CAD: variants seen among roughly 807,000 people sequenced by gnomAD.
CAD encodes multifunctional protein CAD.
In CAD, 81 loss-of-function variants were observed where a neutral mutation model predicts 237.2. The ratio of observed to expected loss-of-function variants is 0.34; its 90% CI spans 0.29 to 0.41. The LOEUF (loss-of-function observed/expected upper bound fraction) is 0.41. CAD is among the 10% of genes least tolerant of loss of function. CAD has a pLI of 1.00. For missense variants in CAD, 2,181 were observed against 2,951.7 expected (o/e 0.74, Z 6.05); for synonymous variants, 1,196 against 1,162.8 (o/e 1.03, Z -0.58).
chr2:27,225,241 C>G lies in CAD; in HGVS notation c.1618C>G (p.Gln540Glu), dbSNP rs1158383825. ...GAGCGAGGCAGCAAATTCTCTTGAA[C>G]AGGTTGGAGGGGTGTTTGGGTAAAG... Reference protein sequence around the residue: ...APSEAANSLEQAQAAAERLGY... With the variant: ...APSEAANSLEEAQAAAERLGY... Residue 540 changes from glutamine to glutamate, a missense_variant and splice_region_variant, in exon 11 of 44, where the codon CAG (glutamine) becomes GAG (glutamate). Around this residue, in one of 12 missense-constraint regions of CAD, gnomAD observed 174 missense variants for 215.8 expected, o/e 0.81. Transcript: ENST00000264705. 1.3e-6 allele frequency: 2 copies of G among 1,591,062 alleles called. No homozygotes were observed.
chr2:27,238,567 C>T lies in CAD; in HGVS notation c.4997C>T (p.Ser1666Phe). 1.2e-6 allele frequency: 2 copies of T among 1,614,102 alleles called. No individual in the cohort carries two copies. The highest frequency in any genetic ancestry group is 1.3e-5 in the African/African-American group (1 of 75,068). The change falls in exon 31 of 44, where the codon TCC (serine) becomes TTC (phenylalanine). Residue 1666 changes from serine to phenylalanine, a missense_variant. Physicochemically the swap from Ser to Phe is radical, Grantham distance 155. Coordinates refer to ENST00000264705, the MANE Select transcript of CAD (RefSeq NM_004341.5). Reference protein sequence around the residue: ...GKGEVRPELGSRQDVEALWEN... With the variant: ...GKGEVRPELGFRQDVEALWEN... ...GGGGAGGTCCGGCCTGAGCTTGGCT[C>T]CCGCCAGGATGTGGAAGCCCTGTGG...
chr2:27,233,926 G>T lies in CAD; in HGVS notation c.3400-82G>T, dbSNP rs1675883170. The T allele has an allele frequency of 1.9e-6, 3 of 1,542,094 alleles. No homozygotes were observed. The highest frequency in any genetic ancestry group is 1.8e-6 in the Non-Finnish European group (2 of 1,122,718). ...GGCTGGGAACAGTGGGCTATGTGGG[G>T]CTCGTTAAAGGAAGAGACAATCCTA... On this transcript the variant is annotated intron_variant, in intron 21 of 43. Transcript: ENST00000264705. This position sits in a 1 kb window ranked among gnomAD's most constrained non-coding sequence, Gnocchi z 6.3.
At position 27,239,034 on chromosome 2, in the gene CAD, TC is replaced by T; in HGVS notation, c.5063-7del. On this transcript the variant is annotated splice_region_variant and splice_polypyrimidine_tract_variant and intron_variant, in intron 31 of 43. Transcript: ENST00000264705. The surrounding 1 kb of genome is among the most constrained non-coding windows in gnomAD (Gnocchi z 4.0). Reference sequence around the variant, plus strand: ...TGGTCCTGAGGGTAATGGCTTTCTTTCTCCCAGCTCCCCATACCTTGGAGGA... The same window carrying T: ...TGGTCCTGAGGGTAATGGCTTTCTTTTCCCAGCTCCCCATACCTTGGAGGA... The T allele has an allele frequency of 6.5e-7, 1 of 1,540,820 alleles. No homozygotes were observed. Among genetic ancestry groups the T allele is most frequent in the Admixed American group, 2.1e-5 (1 of 47,404 alleles).
chr2:27,231,354 CT>C, intron 15 of CAD, 113 bp from the exon 16 acceptor site: 1 of 663,600 alleles, frequency 1.5e-6, no homozygotes. Flanking sequence ...CATCATGTGA[CT>C]TGCCTTGAGA....
chr2:27,232,607 C>T lies in CAD; in HGVS notation c.2805C>T (p.Val935=), dbSNP rs1675814974. 6.2e-7 allele frequency: 1 copy of T among 1,614,072 alleles called. No homozygotes were observed. The highest frequency in any genetic ancestry group is 1.7e-5 in the Admixed American group (1 of 60,000). ...ACCTCACCTTTCGAACACCTCATGT[C>T]CTAGTCCTTGGCTCTGGCGTCTACC... is the stretch of plus-strand genomic sequence containing the variant. ...THDLTFRTPH[V]LVLGSGVYRI... Residue 935 remains valine, a synonymous_variant, in exon 18 of 44, where the codon GTC becomes GTT. Transcript: ENST00000264705. The surrounding 1 kb of genome is among the most constrained non-coding windows in gnomAD (Gnocchi z 4.1).
At chr2:27,224,919 G>C (rs752371232) in intron 10 of CAD, 43 bp downstream of exon 10, 5 of 1,612,366 alleles carry the variant, frequency 3.1e-6, no homozygotes, top group Non-Finnish European at 4.2e-6. Flanking sequence ...GACTGGGCAG[G>C]GGGGCCCAGT....
chr2:27,231,962 C>T lies in CAD; in HGVS notation c.2401-18C>T. ...TGGGCTGGCAGTAGCTTCCGTCTGTCTACCCCCTTTCTATCAGGAGTTGGA... is the reference window on the plus strand; with the variant it reads ...TGGGCTGGCAGTAGCTTCCGTCTGTTTACCCCCTTTCTATCAGGAGTTGGA... On this transcript the variant is annotated intron_variant, in intron 16 of 43. Transcript: ENST00000264705. 4 of 1,614,082 alleles carry T rather than the reference C, an allele frequency of 2.5e-6. No individual in the cohort carries two copies. Among genetic ancestry groups the T allele is most frequent in the Non-Finnish European group, 3.4e-6 (4 of 1,179,968 alleles).
In CAD at chr2:27,239,785, G is replaced by A. The variant is rs1277422503; in HGVS notation, c.5483G>A (p.Ser1828Asn). Residue 1828 changes from serine to asparagine, a missense_variant, in exon 34 of 44, where the codon AGT becomes AAT. Ser to Asn is a conservative substitution (Grantham distance 46). Around this residue, in one of 12 missense-constraint regions of CAD, gnomAD observed 478 missense variants for 515.0 expected, o/e 0.93. Coordinates refer to ENST00000264705, the MANE Select transcript of CAD (RefSeq NM_004341.5). The surrounding 1 kb of genome is among the most constrained non-coding windows in gnomAD (Gnocchi z 4.0). ...PQLPPSAPAT[S>N]EMTTTPERPR... ...CTCCCACCCTCAGCCCCTGCCACTAGTGAGATGACCACGGTATCCACACTA... is the reference window on the plus strand; with the variant it reads ...CTCCCACCCTCAGCCCCTGCCACTAATGAGATGACCACGGTATCCACACTA... 2 of 1,561,802 alleles carry A rather than the reference G, an allele frequency of 1.3e-6. No homozygotes were observed. Among genetic ancestry groups the A allele is most frequent in the Non-Finnish European group, 1.7e-6 (2 of 1,153,976 alleles).
chr2:27,238,294 G>A, intron 30 of CAD, 107 bp downstream of exon 30: 2 of 1,479,032 alleles, frequency 1.4e-6, no homozygotes. Flanking sequence ...TCTGGAGACA[G>A]CAGGAGGAGG....
intron 11 of CAD, 63 bp downstream of exon 11, chr2:27,225,306 T>TC (rs1261596247): frequency 2.5e-5 from 17 of 680,746 alleles, no homozygotes; most frequent in Admixed American, 1.4e-4. Flanking sequence ...TTATTTTCTT[T>TC]TTTTTTTTTT....
In CAD at chr2:27,243,469, G is replaced by A. The variant is rs1320811672; in HGVS notation, c.6629G>A (p.Gly2210Asp). The change falls in exon 44 of 44, where the codon GGC becomes GAC. Residue 2210 changes from glycine to aspartate, a missense_variant. By Grantham distance (94) the Gly-to-Asp change is moderately conservative (BLOSUM62 -1). Coordinates refer to ENST00000264705, the MANE Select transcript of CAD (RefSeq NM_004341.5). ...GCCTACTTCCGCCAGGCTGAGAACG[G>A]CATGTACATCCGCATGGCTCTGTTA... ...RAAYFRQAENGMYIRMALLAT... is the reference protein window; with the variant it reads ...RAAYFRQAENDMYIRMALLAT... 1 of 1,610,114 alleles carries A rather than the reference G, an allele frequency of 6.2e-7. No individual in the cohort carries two copies. Among genetic ancestry groups the A allele is most frequent in the East Asian group, 2.2e-5 (1 of 44,746 alleles).
At position 27,226,266 on chromosome 2, in the gene CAD, G is replaced by C; in HGVS notation, c.1978G>C (p.Gly660Arg). The C allele has an allele frequency of 6.2e-7, 1 of 1,614,204 alleles. No individual in the cohort carries two copies. ...AGCTATCAAGGTGACCCAGCACCTGGGAATTGTTGGGGAGTGCAATGTGCA... is the reference window on the plus strand; with the variant it reads ...AGCTATCAAGGTGACCCAGCACCTGCGAATTGTTGGGGAGTGCAATGTGCA... The part of the protein sequence containing the change: ...QTAIKVTQHL[G>R]IVGECNVQYA... The change falls in exon 13 of 44, where the codon GGA becomes CGA. Residue 660 changes from glycine (G) to arginine (R), a missense_variant. By Grantham distance (125) the Gly-to-Arg change is moderately radical. Coordinates refer to ENST00000264705, the MANE Select transcript of CAD (RefSeq NM_004341.5).
Position 27,232,925 on chromosome 2 carries a change from C to G in CAD, c.2893-117C>G, listed in dbSNP as rs1355905062. 5 of 832,498 alleles carry G rather than the reference C, an allele frequency of 6.0e-6. No individual in the cohort carries two copies. The highest frequency in any genetic ancestry group is 1.0e-5 in the Non-Finnish European group (5 of 495,158). 51.6% of individuals were successfully genotyped at this position (832,498 alleles called of 1,614,324 possible). A position where few individuals can be genotyped will look rare whatever the true frequency, so the allele number is the denominator to read the frequency against. ...AGGCAGGGGTCCTGTACAGCTCTTT[C>G]AGAGGAAGCTGTGCTGGCAGTCTCT... On this transcript the variant is annotated intron_variant, in intron 18 of 43. Transcript: ENST00000264705. This position sits in a 1 kb window ranked among gnomAD's most constrained non-coding sequence, Gnocchi z 4.1.
chr2:27,227,923 C>T (rs1675519122), intron 15 of CAD, among the ~76,000 whole-genome samples: 1 of 152,198 alleles, frequency 6.6e-6, no homozygotes, highest in African/African-American at 2.4e-5. Flanking sequence ...CTGCATAATT[C>T]AGCCGTGTAT....
chr2:27,243,390 CTT>C lies in CAD; in HGVS notation c.6576-6_6576-5del, dbSNP rs5830040. The C allele has an allele frequency of 0.096, 122,196 of 1,274,068 alleles. No homozygotes were observed. Among genetic ancestry groups the C allele is most frequent in the Non-Finnish European group, 0.1 (98,673 of 944,168 alleles). The allele number at this position is 1,274,068 out of a possible 1,614,324, so 78.9% of individuals were successfully genotyped here. A position where few individuals can be genotyped will look rare whatever the true frequency, so the allele number is the denominator to read the frequency against. On this transcript the variant is annotated intron_variant, in intron 43 of 43. Coordinates refer to ENST00000264705, the MANE Select transcript of CAD (RefSeq NM_004341.5). ...TCCATGGGCTGCACGATAACACTTC[CTT>C]TTTTTTTTTTTTTTTTTTTGCAGCG...
In CAD at chr2:27,232,288, G is replaced by A. The variant is rs984802961; in HGVS notation, c.2645+64G>A. On this transcript the variant is annotated intron_variant, in intron 17 of 43. Transcript: ENST00000264705. This position sits in a 1 kb window ranked among gnomAD's most constrained non-coding sequence, Gnocchi z 4.1. ...GGGGCAGAACCTTTGTATCAGTGAG[G>A]GACCCTTGGGAGGGAGGAAGGAGAG... 9.4e-6 allele frequency: 15 copies of A among 1,597,956 alleles called. No individual in the cohort carries two copies. The highest frequency in any genetic ancestry group is 1.3e-5 in the Non-Finnish European group (15 of 1,173,120).
At chr2:27,226,698 A>C (rs1178369472) in intron 14 of CAD, 49 bp downstream of exon 14, 1 of 1,610,282 alleles carries the variant, frequency 6.2e-7, no homozygotes, top group Non-Finnish European at 8.5e-7. Flanking sequence ...TCGGGGGCTG[A>C]GGAAAATATT....
Position 27,234,115 on chromosome 2 carries a change from C to T in CAD, c.3507C>T (p.Thr1169=), listed in dbSNP as rs1448196216. 33 of 1,614,078 alleles carry T rather than the reference C, an allele frequency of 2.0e-5. No individual in the cohort carries two copies. Among genetic ancestry groups the T allele is most frequent in the Admixed American group, 3.3e-5 (2 of 60,006 alleles). The change falls in exon 22 of 44, where the codon ACC becomes ACT. Residue 1169 remains threonine (T), a synonymous_variant. Coordinates refer to ENST00000264705, the MANE Select transcript of CAD (RefSeq NM_004341.5). ...ATTCAGGTGATGCGACGCTGGTGAC[C>T]CCCCCACAAGATATCACTGCCAAAA... ...GVHSGDATLV[T]PPQDITAKTL...
intron 6 of CAD, 149 bp from the exon 7 acceptor site, chr2:27,223,412 CAG>C (rs941938852): frequency 2.5e-5 from 17 of 685,254 alleles, no homozygotes; most frequent in African/African-American, 7.9e-5. Flanking sequence ...GCCCGGGAAA[CAG>C]AGGGAGACTC....
Sources: gnomAD v4.1 joint callset for allele counts (sites outside exome capture counted in the v4.1 genomes callset) on GRCh38, gnomAD v4.1.1 for gene constraint, gnomAD v4.1.1 regional missense constraint, Gnocchi (gnomAD v3.1) non-coding constraint, MANE v1.5 for transcripts, NCBI Gene and HGNC (gene_info 2026-07-23, HGNC 2026-07-21) for gene names.